The following PTPN14 variants were observed in gnomAD, a reference collection of about 807,000 sequenced individuals.
PTPN14 encodes the protein protein tyrosine phosphatase non-receptor type 14.
In PTPN14, 53 loss-of-function variants were observed where a neutral mutation model predicts 126.8. That is an observed-to-expected ratio of 0.42 (90% CI 0.34 to 0.53). The LOEUF (loss-of-function observed/expected upper bound fraction) is 0.53. PTPN14 is among the 20% of genes least tolerant of loss of function. The probability of loss-of-function intolerance (pLI) is 0.08; values close to 1 mark genes in which losing one functional copy is unlikely to be tolerated. For missense variants in PTPN14, 1,257 were observed against 1,552.9 expected, an observed-to-expected ratio of 0.81 and a Z score of 3.20; for synonymous variants, 630 against 599.3, an observed-to-expected ratio of 1.05 and a Z score of -0.75.
In PTPN14 at chr1:214,384,602, C is replaced by T. The variant is rs141247660; in HGVS notation, c.1253G>A (p.Ser418Asn). Reference sequence around the variant, plus strand: ...GATGTAGTCGGCCCGCATGATGTCACTCCCAGGGATACTGAGGTTGGAGGA... The same window carrying T: ...GATGTAGTCGGCCCGCATGATGTCATTCCCAGGGATACTGAGGTTGGAGGA... ...PVSSNLSIPGSDIMRADYIPS... is the reference protein window; with the variant it reads ...PVSSNLSIPGNDIMRADYIPS... The change falls in exon 13 of 19, where the codon AGT (serine) becomes AAT (asparagine). Residue 418 changes from serine (S) to asparagine (N), a missense_variant. Ser to Asn is a conservative substitution (Grantham distance 46). Coordinates refer to ENST00000366956, the MANE Select transcript of PTPN14 (RefSeq NM_005401.5). The surrounding 1 kb of genome is among the most constrained non-coding windows in gnomAD (Gnocchi z 5.3). 2.6e-3 allele frequency: 4,164 copies of T among 1,614,172 alleles called. 32 individuals carry two copies. The highest frequency in any genetic ancestry group is 1.9e-3 in the Non-Finnish European group (2,222 of 1,180,034).
intron 2 of PTPN14, 124 bp downstream of exon 2, chr1:214,464,506 G>T: frequency 7.8e-7 from 1 of 1,281,658 alleles, no homozygotes; most frequent in Non-Finnish European, 1.1e-6. Flanking sequence ...TAAACACATC[G>T]TCGCTTAGGC....
At chr1:214,542,794 G>A (rs1230003640) in intron 1 of PTPN14, among the ~76,000 whole-genome samples, 1 of 152,184 alleles carries the variant, frequency 6.6e-6, no homozygotes. Context: ...GAGGAATAGT[G>A]GGACATAAAT....
rs567362455 is a variant in PTPN14 at position 214,352,467 on chromosome 1, G to A, written c.*5455C>T. 1 of 152,294 alleles carries A rather than the reference G, an allele frequency of 6.6e-6. No homozygotes were observed. Among genetic ancestry groups the A allele is most frequent in the African/African-American group, 2.4e-5 (1 of 41,554 alleles). The allele number at this position is 152,294 out of a possible 1,614,324, so 9.4% of individuals were successfully genotyped here. On this transcript the variant is annotated 3_prime_UTR_variant, in exon 19 of 19. Transcript: ENST00000366956. ...GGCCCCCTGAATAACACTGACTTCT[G>A]GACAACACATTTGAGGTGGCAGAAT...
chr1:214,481,372 G>A (rs562059229), intron 1 of PTPN14, among the ~76,000 whole-genome samples: 15 of 151,662 alleles, frequency 9.9e-5, no homozygotes, highest in African/African-American at 1.7e-4. Flanking sequence ...TTAGCTGGGC[G>A]TGGTGGCATG....
At chr1:214,405,067 C>A (rs1342545481) in intron 5 of PTPN14, among the ~76,000 whole-genome samples, 2 of 152,214 alleles carry the variant, frequency 1.3e-5, no homozygotes, top group African/African-American at 4.8e-5. Flanking sequence ...TTCTAACACA[C>A]ACTGCTTTTA....
rs1655787668 is a variant in PTPN14 at position 214,539,569 on chromosome 1, T to C, written c.-155+11614A>G. 2.0e-5 allele frequency among the ~76,000 whole-genome samples: 3 copies of C among 152,168 alleles called. No individual in the cohort carries two copies. The South Asian group carries it at 6.2e-4, about 32-fold the overall frequency. On this transcript the variant is annotated intron_variant, in intron 1 of 18. Transcript: ENST00000366956. ...AAAAGATATTAATGTTGAATACATA[T>C]ACGGTAATTAATCTATCAGAATCCT...
chr1:214,456,825 T>C (rs1660394105), intron 2 of PTPN14, among the ~76,000 whole-genome samples: 1 of 152,192 alleles, frequency 6.6e-6, no homozygotes, highest in Non-Finnish European at 1.5e-5. Context: ...ACTGTCATTT[T>C]TACAAAGACA....
chr1:214,452,061 T>G, intron 2 of PTPN14, 87 bp from the exon 3 acceptor site: 1 of 1,443,156 alleles, frequency 6.9e-7, no homozygotes, highest in Non-Finnish European at 9.4e-7. Context: ...GCATGCTGCA[T>G]CCCACCCTGG....
intron 16 of PTPN14, among the ~76,000 whole-genome samples, chr1:214,371,768 A>T (rs1452091967): frequency 6.6e-6 from 1 of 152,212 alleles, no homozygotes; most frequent in Non-Finnish European, 1.5e-5. Flanking sequence ...AGCCCAGGGA[A>T]GTACAACTGG....
intron 3 of PTPN14, among the ~76,000 whole-genome samples, chr1:214,423,091 C>G (rs10779615): frequency 0.46 from 69,905 of 151,360 alleles, 16,237 homozygotes; most frequent in Admixed American, 0.5. Context: ...CCAGACCAGC[C>G]TGGGCAACAT....
chr1:214,466,163 T>C (rs1040431981), intron 1 of PTPN14, among the ~76,000 whole-genome samples: 53 of 151,926 alleles, frequency 3.5e-4, no homozygotes, highest in African/African-American at 1.3e-3. Context: ...GGTTTCACCA[T>C]ATTGGCCAGG....
chr1:214,521,893 G>GC (rs1655267410), intron 1 of PTPN14, among the ~76,000 whole-genome samples: 2 of 110,080 alleles, frequency 1.8e-5, no homozygotes, highest in African/African-American at 6.6e-5. Flanking sequence ...GATTTTTGTT[G>GC]TTTTTTTTTT....
chr1:214,372,570 G>A, intron 16 of PTPN14, 141 bp downstream of exon 16: 1 of 1,211,008 alleles, frequency 8.3e-7, no homozygotes, highest in Non-Finnish European at 1.2e-6. Context: ...GAAAACAGAT[G>A]TATACCAAAG....
intron 18 of PTPN14, among the ~76,000 whole-genome samples, chr1:214,359,732 G>A (rs1395584905): frequency 6.6e-6 from 1 of 151,676 alleles, no homozygotes; most frequent in African/African-American, 2.4e-5. Flanking sequence ...TGTTGCCCAG[G>A]CTGGTCTCAA....
At chr1:214,502,186 C>T (rs1654721590) in intron 1 of PTPN14, among the ~76,000 whole-genome samples, 1 of 151,646 alleles carries the variant, frequency 6.6e-6, no homozygotes, top group Admixed American at 6.6e-5. Flanking sequence ...GATTTTTCAT[C>T]CCTGGAGGGT....
chr1:214,384,429 C>T lies in PTPN14; in HGVS notation c.1426G>A (p.Ala476Thr), dbSNP rs1321187740. The T allele has an allele frequency of 1.9e-6, 3 of 1,614,142 alleles. No homozygotes were observed. The highest frequency in any genetic ancestry group is 4.5e-5 in the East Asian group (2 of 44,884). ...LRNLNIINTH[A>T]YNQPEDLVYS... ...ACCAGATCCTCTGGCTGGTTGTAGG[C>T]ATGGGTGTTGATAATGTTGAGGTTT... Residue 476 changes from alanine (A) to threonine (T), a missense_variant, in exon 13 of 19, where the codon GCC (alanine) becomes ACC (threonine). Around this residue, in one of 3 missense-constraint regions of PTPN14, gnomAD observed 1,021 missense variants for 1,183.3 expected, o/e 0.86. Transcript: ENST00000366956. The surrounding 1 kb of genome is among the most constrained non-coding windows in gnomAD (Gnocchi z 5.3).
Position 214,384,404 on chromosome 1 carries a change from A to T in PTPN14, c.1451T>A (p.Val484Glu), listed in dbSNP as rs754332348. ...THAYNQPEDL[V>E]YSQPEMRERH... The stretch of plus-strand genomic sequence containing the variant: ...CTCCCGCATCTCCGGTTGGCTGTAC[A>T]CCAGATCCTCTGGCTGGTTGTAGGC... The change falls in exon 13 of 19, where the codon GTG becomes GAG. Residue 484 changes from valine (V) to glutamate (E), a missense_variant. Around this residue, in one of 3 missense-constraint regions of PTPN14, gnomAD observed 1,021 missense variants for 1,183.3 expected, o/e 0.86. Transcript: ENST00000366956. The surrounding 1 kb of genome is among the most constrained non-coding windows in gnomAD (Gnocchi z 5.3). 1.2e-6 allele frequency: 2 copies of T among 1,614,106 alleles called. No homozygotes were observed. The highest frequency in any genetic ancestry group is 3.3e-5 in the Admixed American group (2 of 60,008).
At chr1:214,526,172 G>A (rs575873687) in intron 1 of PTPN14, among the ~76,000 whole-genome samples, 37 of 151,976 alleles carry the variant, frequency 2.4e-4, no homozygotes, top group African/African-American at 6.3e-4. Flanking sequence ...CACCATGTTG[G>A]CCAGGCTGGT....
chr1:214,543,777 C>G (rs1655900966), intron 1 of PTPN14, among the ~76,000 whole-genome samples: 1 of 152,058 alleles, frequency 6.6e-6, no homozygotes, highest in South Asian at 2.1e-4. Flanking sequence ...CGCCACCATG[C>G]CCAGCTAATT....
Sources: gnomAD v4.1 joint callset for allele counts (sites outside exome capture counted in the v4.1 genomes callset) on GRCh38, gnomAD v4.1.1 for gene constraint, gnomAD v4.1.1 regional missense constraint, Gnocchi (gnomAD v3.1) non-coding constraint, MANE v1.5 for transcripts, NCBI Gene and HGNC (gene_info 2026-07-23, HGNC 2026-07-21) for gene names.